Variants in RAPGEF2 observed in about 807,000 individuals in gnomAD.
The protein encoded by RAPGEF2 is PDZ domain containing guanine nucleotide exchange factor (GEF) 1.
Under a neutral mutation model 186.7 loss-of-function variants are expected in RAPGEF2, and 54 were observed. The ratio of observed to expected loss-of-function variants is 0.29; its 90% CI spans 0.23 to 0.36. The LOEUF (loss-of-function observed/expected upper bound fraction) is 0.36. Ranked by LOEUF, RAPGEF2 falls within the 10% of genes least tolerant of loss-of-function variation. The pLI, the probability that RAPGEF2 is intolerant of heterozygous loss-of-function variation, is 1.00. For synonymous variants in RAPGEF2, 712 were observed against 705.9 expected (o/e 1.01, Z -0.14); for missense variants, 1,532 against 2,045.0 (o/e 0.75, Z 4.84).
rs544419027 is a variant in RAPGEF2, at chr4:159,359,049, T to A, written c.*910T>A. On this transcript the variant is annotated 3_prime_UTR_variant, in exon 30 of 30. Coordinates refer to ENST00000691494, the MANE Select transcript of RAPGEF2 (RefSeq NM_001394067.2). ...CCTTATGGAGGCAGGACGGTGTCAT[T>A]GGCGGATGTGTCCTGCTCCATTGAG... 16 of 152,362 alleles carry A rather than the reference T, an allele frequency of 1.1e-4. No individual in the cohort carries two copies. In the South Asian group the frequency reaches 3.3e-3, roughly 32 times the overall value. The allele number at this position is 152,362 out of a possible 1,614,324, so 9.4% of individuals were successfully genotyped here. A position where few individuals can be genotyped will look rare whatever the true frequency, so the allele number is the denominator to read the frequency against.
intron 1 of RAPGEF2, among the ~76,000 whole-genome samples, chr4:159,157,808 T>C (rs565234844): frequency 2.0e-5 from 3 of 152,366 alleles, no homozygotes; most frequent in Admixed American, 2.0e-4. Context: ...TGTCATGGTT[T>C]AAGAAAGGAA....
At position 159,339,167 on chromosome 4, in the gene RAPGEF2, A is replaced by G. The variant is rs1767886277; in HGVS notation, c.2347A>G (p.Ile783Val). 3 of 1,614,174 alleles carry G rather than the reference A, an allele frequency of 1.9e-6. No individual in the cohort carries two copies. Among genetic ancestry groups the G allele is most frequent in the Non-Finnish European group, 2.5e-6 (3 of 1,180,010 alleles). ...TAAGGCTGATCAGCAAAGCCGCTACATCATGATCAGTAAGGACACTACAGC... is the reference window on the plus strand; with the variant it reads ...TAAGGCTGATCAGCAAAGCCGCTACGTCATGATCAGTAAGGACACTACAGC... The part of the protein sequence containing the change: ...VFKADQQSRY[I>V]MISKDTTAKE... Residue 783 changes from isoleucine (I) to valine (V), a missense_variant, in exon 19 of 30, where the codon ATC becomes GTC. This residue lies in a region of RAPGEF2 where 810 missense variants were observed against 1,210.5 expected (regional missense o/e 0.67). Transcript: ENST00000691494.
intron 7 of RAPGEF2, among the ~76,000 whole-genome samples, chr4:159,250,259 C>A (rs1259416966): frequency 3.3e-5 from 5 of 152,078 alleles, no homozygotes; most frequent in Non-Finnish European, 7.3e-5. Context: ...TCTCACAAAT[C>A]ACCACTAAAG....
chr4:159,178,383 T>C (rs1207635663), intron 1 of RAPGEF2, among the ~76,000 whole-genome samples: 1 of 152,060 alleles, frequency 6.6e-6, no homozygotes, highest in Non-Finnish European at 1.5e-5. Context: ...ACATTGTTAG[T>C]GAGATCTTGA....
At chr4:159,270,980 T>C (rs1758053928) in intron 7 of RAPGEF2, among the ~76,000 whole-genome samples, 2 of 152,158 alleles carry the variant, frequency 1.3e-5, no homozygotes, top group South Asian at 4.1e-4. Flanking sequence ...TAAGAGGAGG[T>C]TGCTAACATT....
At chr4:159,321,342 GACT>G (rs1765211216) in intron 9 of RAPGEF2, among the ~76,000 whole-genome samples, 1 of 151,908 alleles carries the variant, frequency 6.6e-6, no homozygotes, top group Non-Finnish European at 1.5e-5. Flanking sequence ...GAGTAGCTAG[GACT>G]ATAGGTACGC....
chr4:159,104,318 C>T, intron 1 of RAPGEF2, 87 bp downstream of exon 1: 1 of 636,242 alleles, frequency 1.6e-6, no homozygotes, highest in Non-Finnish European at 2.5e-6. Flanking sequence ...CTTCCTGACA[C>T]AGTTCGCCCC....
intron 7 of RAPGEF2, among the ~76,000 whole-genome samples, chr4:159,276,559 G>A (rs971315626): frequency 2.0e-5 from 3 of 152,142 alleles, no homozygotes; most frequent in Admixed American, 1.3e-4. Flanking sequence ...AGGTTGGTCT[G>A]TGTCTTATTT....
chr4:159,117,583 G>GT lies in RAPGEF2; in HGVS notation c.69+13364dup, dbSNP rs1324685935. ...ACTTTATATATTCTGCGATGGTTGGGTTTTTTTTTTTTCGTAGTTACAAAT... is the reference window on the plus strand; with the variant it reads ...ACTTTATATATTCTGCGATGGTTGGGTTTTTTTTTTTTTCGTAGTTACAAAT... On this transcript the variant is annotated intron_variant, in intron 1 of 29. Coordinates refer to ENST00000691494, the MANE Select transcript of RAPGEF2 (RefSeq NM_001394067.2). Among the ~76,000 whole-genome samples, 1,417 of 143,246 alleles carry GT rather than the reference G, an allele frequency of 9.9e-3. 21 individuals carry two copies. Among genetic ancestry groups the GT allele is most frequent in the African/African-American group, 0.031 (1,200 of 39,322 alleles). The allele number at this position is 143,246 out of a possible 152,430, so 94.0% of individuals were successfully genotyped here. A position where few individuals can be genotyped will look rare whatever the true frequency, so the allele number is the denominator to read the frequency against.
chr4:159,333,632 A>C (rs1225521203), intron 17 of RAPGEF2, among the ~76,000 whole-genome samples: 2 of 152,186 alleles, frequency 1.3e-5, no homozygotes. Flanking sequence ...ACAAAATTGC[A>C]GGTATTTCTG....
At chr4:159,164,665 T>C (rs1466380452) in intron 1 of RAPGEF2, among the ~76,000 whole-genome samples, 2 of 152,194 alleles carry the variant, frequency 1.3e-5, no homozygotes, top group African/African-American at 4.8e-5. Flanking sequence ...ATTCATATAA[T>C]GTGGGTGGTA....
At chr4:159,272,990 T>C (rs969728031) in intron 7 of RAPGEF2, among the ~76,000 whole-genome samples, 1 of 152,200 alleles carries the variant, frequency 6.6e-6, no homozygotes. Context: ...TCTGTAAACA[T>C]TGGGTAGAGT....
At chr4:159,285,404 T>C (rs1233888990) in intron 7 of RAPGEF2, among the ~76,000 whole-genome samples, 1 of 152,196 alleles carries the variant, frequency 6.6e-6, no homozygotes, top group Non-Finnish European at 1.5e-5. Context: ...TCTCAGGAGG[T>C]TTGCTAATCC....
chr4:159,112,872 TTAA>T (rs1738645880), intron 1 of RAPGEF2, among the ~76,000 whole-genome samples: 1 of 152,118 alleles, frequency 6.6e-6, no homozygotes, highest in South Asian at 2.1e-4. Context: ...AAATCAATAC[TTAA>T]TAGTGAAGAA....
intron 1 of RAPGEF2, among the ~76,000 whole-genome samples, chr4:159,140,758 T>C (rs1742226707): frequency 6.6e-6 from 1 of 152,038 alleles, no homozygotes; most frequent in Admixed American, 6.6e-5. Flanking sequence ...AACACCAATT[T>C]AATGTTTCAT....
rs1766428763 is a variant in RAPGEF2 at position 159,330,004 on chromosome 4, C to T, written c.1296C>T (p.Val432=). ...DRTGTRKGHI[V]IKGTSERLTM... ...CTGGAACAAGAAAGGGACACATTGT[C>T]ATCAAGGTAGGACACAGGACCACTC... The change falls in exon 12 of 30, where the codon GTC becomes GTT. Residue 432 remains valine (V), a synonymous_variant. Transcript: ENST00000691494. 1.9e-6 allele frequency: 3 copies of T among 1,611,490 alleles called. No individual in the cohort carries two copies. The highest frequency in any genetic ancestry group is 4.5e-5 in the East Asian group (2 of 44,746).
chr4:159,351,387 T>A (rs1731156702), intron 26 of RAPGEF2, among the ~76,000 whole-genome samples: 1 of 152,166 alleles, frequency 6.6e-6, no homozygotes, highest in South Asian at 2.1e-4. Context: ...AAAAGACATT[T>A]TATAAATGAA....
At chr4:159,225,547 A>G (rs760920693) in intron 4 of RAPGEF2, among the ~76,000 whole-genome samples, 5 of 152,194 alleles carry the variant, frequency 3.3e-5, no homozygotes, top group Non-Finnish European at 5.9e-5. Flanking sequence ...GTTTAACTGT[A>G]TAAGGAACTC....
chr4:159,229,540 C>T (rs1752398359), intron 4 of RAPGEF2: 1 of 152,146 alleles, frequency 6.6e-6, no homozygotes, highest in African/African-American at 2.4e-5. Flanking sequence ...GGTAAGACTT[C>T]ACATTCCCAA....
Sources: allele counts gnomAD v4.1 joint callset (sites outside exome capture counted in the v4.1 genomes callset), GRCh38; gene constraint gnomAD v4.1.1; regional missense constraint gnomAD v4.1.1; transcripts MANE v1.5; gene names NCBI Gene and HGNC (gene_info 2026-07-23, HGNC 2026-07-21).